Variants in RIC8B observed in about 807,000 individuals in gnomAD.
The protein encoded by RIC8B is RIC8 guanine nucleotide exchange factor B, also known as chaperone Ric-8B.
RIC8B carries 16 observed loss-of-function variants against 57.5 expected under a neutral mutation model. The observed-to-expected ratio is 0.28, with a 90% CI of 0.19 to 0.42. The LOEUF (loss-of-function observed/expected upper bound fraction) is 0.42, where lower values mean the gene tolerates loss of function less well. Ranked by LOEUF, RIC8B falls within the 10% of genes least tolerant of loss-of-function variation. RIC8B has a pLI of 1.00. For synonymous variants in RIC8B, 216 were observed against 250.8 expected (o/e 0.86, Z 1.31); for missense variants, 481 against 677.0 (o/e 0.71, Z 3.21).
chr12:106,885,066 C>G (rs1302376024), intron 9 of RIC8B, among the ~76,000 whole-genome samples: 1 of 152,144 alleles, frequency 6.6e-6, no homozygotes, highest in Non-Finnish European at 1.5e-5. Flanking sequence ...AGCAACTCAA[C>G]AGGTACATTC....
chr12:106,776,058 C>T (rs1391336839), intron 1 of RIC8B, among the ~76,000 whole-genome samples: 1 of 152,080 alleles, frequency 6.6e-6, no homozygotes, highest in Non-Finnish European at 1.5e-5. Context: ...GATGGTATTC[C>T]CCAATTCACA....
intron 2 of RIC8B, among the ~76,000 whole-genome samples, chr12:106,798,565 C>T (rs2044589560): frequency 6.6e-6 from 1 of 152,124 alleles, no homozygotes; most frequent in African/African-American, 2.4e-5. Flanking sequence ...AGGGTCATCA[C>T]CCTGACTGAA....
At chr12:106,880,559 A>G (rs891180466) in intron 9 of RIC8B, among the ~76,000 whole-genome samples, 7 of 152,256 alleles carry the variant, frequency 4.6e-5, no homozygotes, top group Middle Eastern at 3.4e-3. Context: ...ATATGGAAGA[A>G]GCTCAGTCTA....
chr12:106,885,176 A>G (rs977905210), intron 9 of RIC8B, among the ~76,000 whole-genome samples: 2 of 152,230 alleles, frequency 1.3e-5, no homozygotes, highest in Non-Finnish European at 2.9e-5. Context: ...TCATCTTTAG[A>G]TGAGGCTGTA....
chr12:106,860,487 C>A (rs1949884600), intron 8 of RIC8B, 75 bp downstream of exon 8: 3 of 1,142,840 alleles, frequency 2.6e-6, no homozygotes, highest in Non-Finnish European at 3.5e-6. Flanking sequence ...CTTTCATTTT[C>A]CAAGTGTTTC....
At chr12:106,858,607 C>T (rs1949804883) in intron 7 of RIC8B, among the ~76,000 whole-genome samples, 1 of 152,042 alleles carries the variant, frequency 6.6e-6, no homozygotes, top group Non-Finnish European at 1.5e-5. Flanking sequence ...GGGCTTACCC[C>T]ACCCTCATTC....
chr12:106,806,290 C>A (rs10861669), intron 2 of RIC8B, among the ~76,000 whole-genome samples: 26,777 of 152,176 alleles, frequency 0.18, 2,749 homozygotes, highest in East Asian at 0.32. Context: ...CTAGCATTGC[C>A]AGGTCTTAAT....
At chr12:106,806,788 C>T (rs151244601) in intron 2 of RIC8B, among the ~76,000 whole-genome samples, 4 of 152,254 alleles carry the variant, frequency 2.6e-5, no homozygotes, top group African/African-American at 7.2e-5. Context: ...AAGATCATGC[C>T]ATTGCACTCC....
rs1948998627 is a variant in RIC8B, at chr12:106,842,532, A to T, written c.837-57A>T. The T allele has an allele frequency of 3.7e-6, 5 of 1,360,984 alleles. No individual in the cohort carries two copies. In the South Asian group the frequency reaches 6.4e-5, roughly 17 times the overall value. The allele number at this position is 1,360,984 out of a possible 1,614,324, so 84.3% of individuals were successfully genotyped here. ...CTTTTGAACTTCTTATTATGTTTGC[A>T]TTTTAAAGGACTATTCAATCAAGTT... On this transcript the variant is annotated intron_variant, in intron 4 of 9. Transcript: ENST00000392837.
intron 9 of RIC8B, among the ~76,000 whole-genome samples, chr12:106,883,287 T>C (rs780061419): frequency 2.6e-5 from 4 of 152,208 alleles, no homozygotes; most frequent in Non-Finnish European, 5.9e-5. Context: ...TTGCTTCAGT[T>C]GTTAATATGT....
chr12:106,856,223 G>T (rs1439828635), intron 7 of RIC8B, among the ~76,000 whole-genome samples: 6 of 152,106 alleles, frequency 3.9e-5, no homozygotes, highest in Non-Finnish European at 8.8e-5. Flanking sequence ...TTTCTAGTCA[G>T]ATTTTCTTCA....
At position 106,807,205 on chromosome 12, in the gene RIC8B, G is replaced by A. The variant is rs140522142; in HGVS notation, c.133-7491G>A. ...ATTCTGTATGGTACAGATTCTGTAT[G>A]GTACATCAATGGGATACCATATTTC... On this transcript the variant is annotated intron_variant, in intron 2 of 9. Transcript: ENST00000392837. Among the ~76,000 whole-genome samples, 270 of 152,244 alleles carry A rather than the reference G, an allele frequency of 1.8e-3. 1 individual carries two copies. Among genetic ancestry groups the A allele is most frequent in the African/African-American group, 6.1e-3 (252 of 41,538 alleles).
chr12:106,814,386 C>G (rs2045475793), intron 2 of RIC8B, among the ~76,000 whole-genome samples: 1 of 152,158 alleles, frequency 6.6e-6, no homozygotes, highest in Non-Finnish European at 1.5e-5. Context: ...AATAGCATGA[C>G]TAAAACTCAG....
chr12:106,842,867 A>T, intron 5 of RIC8B, 50 bp downstream of exon 5: 1 of 1,147,254 alleles, frequency 8.7e-7, no homozygotes. Context: ...AAAGAATGTA[A>T]ATGTGCCATA....
At chr12:106,872,200 A>T (rs1566170589) in intron 9 of RIC8B, among the ~76,000 whole-genome samples, 1 of 152,214 alleles carries the variant, frequency 6.6e-6, no homozygotes, top group Non-Finnish European at 1.5e-5. Flanking sequence ...TAGAACAGAA[A>T]TGTTCCCTCC....
chr12:106,851,205 A>T (rs571043115), intron 6 of RIC8B, among the ~76,000 whole-genome samples: 2 of 151,920 alleles, frequency 1.3e-5, no homozygotes, highest in South Asian at 4.2e-4. Flanking sequence ...TCTCTTGAGG[A>T]TAGTGTGATG....
chr12:106,854,148 A>G (rs1949616620), intron 7 of RIC8B, among the ~76,000 whole-genome samples: 1 of 152,166 alleles, frequency 6.6e-6, no homozygotes, highest in Non-Finnish European at 1.5e-5. Flanking sequence ...ACATGTGGCC[A>G]GGGTTAGCAG....
chr12:106,871,234 T>G (rs1950389557), intron 9 of RIC8B: 1 of 222,314 alleles, frequency 4.5e-6, no homozygotes, highest in African/African-American at 2.3e-5. Flanking sequence ...TGCTGTGAGT[T>G]AGATTCAGTG....
rs1593335339 is a variant in RIC8B at position 106,860,520 on chromosome 12, C to G, written c.1451+108C>G. On this transcript the variant is annotated intron_variant, in intron 8 of 9. Transcript: ENST00000392837. ...TTCTTTTCTCTTGTGGATTTGGAAACTTTCCATTTAATGGTGTTTTTAGAG... is the reference window on the plus strand; with the variant it reads ...TTCTTTTCTCTTGTGGATTTGGAAAGTTTCCATTTAATGGTGTTTTTAGAG... 1.1e-5 allele frequency: 10 copies of G among 922,290 alleles called. No homozygotes were observed. The East Asian group carries it at 3.2e-4, about 29-fold the overall frequency. 57.1% of individuals were successfully genotyped at this position (922,290 alleles called of 1,614,324 possible).
Sources: gnomAD v4.1 joint callset for allele counts (sites outside exome capture counted in the v4.1 genomes callset) on GRCh38, gnomAD v4.1.1 for gene constraint, MANE v1.5 for transcripts, NCBI Gene and HGNC (gene_info 2026-07-23, HGNC 2026-07-21) for gene names.